The following ZFPM2 variants were observed in gnomAD, a reference collection of about 807,000 sequenced individuals.
ZFPM2 encodes the protein zinc finger protein, FOG family member 2, also known as zinc finger protein ZFPM2.
Under a neutral mutation model 98.6 loss-of-function variants are expected in ZFPM2, and 20 were observed. The observed-to-expected ratio is 0.20, with a 90% CI of 0.14 to 0.29. ZFPM2 has a LOEUF of 0.29. ZFPM2 is among the 10% of genes least tolerant of loss of function. ZFPM2 has a pLI of 1.00. For synonymous variants in ZFPM2, 518 were observed against 502.7 expected, an observed-to-expected ratio of 1.03 and a Z score of -0.41; for missense variants, 1,310 against 1,388.6, an observed-to-expected ratio of 0.94 and a Z score of 0.90.
At chr8:105,341,967 A>T (rs1458522610) in intron 1 of ZFPM2, among the ~76,000 whole-genome samples, 1 of 152,048 alleles carries the variant, frequency 6.6e-6, no homozygotes, top group Non-Finnish European at 1.5e-5. Context: ...GGCATTTGCT[A>T]GTATTAGTGA....
intron 5 of ZFPM2, among the ~76,000 whole-genome samples, chr8:105,647,327 C>A (rs1340569512): frequency 6.6e-6 from 1 of 152,056 alleles, no homozygotes; most frequent in Non-Finnish European, 1.5e-5. Context: ...ATCAATTCAC[C>A]ACTAAAGTGC....
In ZFPM2 at chr8:105,802,347, G is replaced by A; in HGVS notation, c.2265G>A (p.Leu755=). Residue 755 remains leucine (L), a synonymous_variant, in exon 8 of 8, where the codon CTG becomes CTA. Coordinates refer to ENST00000407775, the MANE Select transcript of ZFPM2 (RefSeq NM_012082.4). ...CTGAGCAGGAACAAAGGCCTCCACT[G>A]GTTCAGCAGAGATTTCTTGACGTAG... is the stretch of plus-strand genomic sequence containing the variant. The part of the protein sequence containing the change: ...CLPEQEQRPP[L]VQQRFLDVAN... 1 of 1,613,790 alleles carries A rather than the reference G, an allele frequency of 6.2e-7. No individual in the cohort carries two copies. Among genetic ancestry groups the A allele is most frequent in the East Asian group, 2.2e-5 (1 of 44,836 alleles).
intron 3 of ZFPM2, among the ~76,000 whole-genome samples, chr8:105,487,874 A>T (rs1813261040): frequency 6.6e-6 from 1 of 150,926 alleles, no homozygotes; most frequent in Non-Finnish European, 1.5e-5. Context: ...TGTTACTTTA[A>T]CCCTATAAAG....
intron 5 of ZFPM2, among the ~76,000 whole-genome samples, chr8:105,754,860 T>C (rs2131060149): frequency 6.6e-6 from 1 of 152,198 alleles, no homozygotes; most frequent in African/African-American, 2.4e-5. Context: ...AGGAGGTTTT[T>C]TGTAGTGGGA....
At chr8:105,441,486 G>GA (rs1554604937) in intron 2 of ZFPM2, among the ~76,000 whole-genome samples, 1,874 of 74,028 alleles carry the variant, frequency 0.025, 633 homozygotes, top group African/African-American at 0.12. Context: ...AAGAAAGAAA[G>GA]AAAGAAAGAA....
intron 1 of ZFPM2, among the ~76,000 whole-genome samples, chr8:105,345,056 G>T (rs1329678072): frequency 6.6e-6 from 1 of 152,144 alleles, no homozygotes; most frequent in Non-Finnish European, 1.5e-5. Context: ...AAAAGGCTGT[G>T]TAATTGTGTA....
At chr8:105,417,421 C>T (rs531980922) in intron 1 of ZFPM2, among the ~76,000 whole-genome samples, 1 of 151,828 alleles carries the variant, frequency 6.6e-6, no homozygotes, top group East Asian at 1.9e-4. Context: ...ATAGAAAGTG[C>T]TTTGAAACTC....
intron 1 of ZFPM2, among the ~76,000 whole-genome samples, chr8:105,356,786 C>T (rs1362279716): frequency 6.6e-6 from 1 of 152,134 alleles, no homozygotes; most frequent in Admixed American, 6.5e-5. Context: ...TATTTCTTTA[C>T]CCAATCCATT....
At chr8:105,677,404 C>A (rs148683791) in intron 5 of ZFPM2, among the ~76,000 whole-genome samples, 67 of 152,108 alleles carry the variant, frequency 4.4e-4, no homozygotes, top group African/African-American at 1.5e-3. Context: ...TTTAAACTCA[C>A]ACATGCCACC....
chr8:105,599,159 A>G (rs890147266), intron 4 of ZFPM2, among the ~76,000 whole-genome samples: 5 of 151,994 alleles, frequency 3.3e-5, no homozygotes, highest in African/African-American at 9.7e-5. Flanking sequence ...TGCTCTCTTG[A>G]AATGCCACTC....
intron 3 of ZFPM2, among the ~76,000 whole-genome samples, chr8:105,547,988 T>TG (rs1814751628): frequency 6.6e-6 from 1 of 151,210 alleles, no homozygotes; most frequent in East Asian, 1.9e-4. Flanking sequence ...AAGTTTTGGT[T>TG]TTTTTTTTAA....
At chr8:105,505,001 A>C (rs949857495) in intron 3 of ZFPM2, among the ~76,000 whole-genome samples, 1 of 152,190 alleles carries the variant, frequency 6.6e-6, no homozygotes, top group African/African-American at 2.4e-5. Flanking sequence ...TTGACTATTC[A>C]CAAAAATGTC....
At chr8:105,337,393 C>G (rs925474239) in intron 1 of ZFPM2, among the ~76,000 whole-genome samples, 9 of 151,790 alleles carry the variant, frequency 5.9e-5, no homozygotes, top group Non-Finnish European at 1.2e-4. Flanking sequence ...TCACAAGTCT[C>G]TAGAAACCCT....
intron 5 of ZFPM2, among the ~76,000 whole-genome samples, chr8:105,781,924 T>G (rs1277726719): frequency 6.6e-6 from 1 of 151,944 alleles, no homozygotes; most frequent in African/African-American, 2.4e-5. Context: ...AAAGTAGGAG[T>G]GTTACAGAGT....
intron 4 of ZFPM2, among the ~76,000 whole-genome samples, chr8:105,577,902 G>A (rs1815503153): frequency 6.6e-6 from 1 of 151,906 alleles, no homozygotes; most frequent in Admixed American, 6.6e-5. Context: ...ATTGAGAACT[G>A]TCTGTAACCT....
At chr8:105,469,675 A>G (rs1433191545) in intron 3 of ZFPM2, among the ~76,000 whole-genome samples, 1 of 152,236 alleles carries the variant, frequency 6.6e-6, no homozygotes, top group African/African-American at 2.4e-5. Flanking sequence ...TAATTCTATC[A>G]GTATTAAATG....
At chr8:105,562,420 A>G (rs1047691363) in intron 4 of ZFPM2, among the ~76,000 whole-genome samples, 63 of 152,150 alleles carry the variant, frequency 4.1e-4, no homozygotes, top group African/African-American at 1.4e-3. Flanking sequence ...TAAGTTTGCT[A>G]TTCCTGCCTC....
chr8:105,673,758 G>T (rs1176901242), intron 5 of ZFPM2, among the ~76,000 whole-genome samples: 2 of 152,168 alleles, frequency 1.3e-5, no homozygotes, highest in Non-Finnish European at 2.9e-5. Flanking sequence ...TCCCTTAACT[G>T]AAAGCCACTT....
intron 5 of ZFPM2, among the ~76,000 whole-genome samples, chr8:105,689,832 T>G (rs970214515): frequency 6.6e-6 from 1 of 152,224 alleles, no homozygotes; most frequent in African/African-American, 2.4e-5. Context: ...AGAGACTTAT[T>G]TTCCTTTTTA....
Sources: gnomAD v4.1 joint callset for allele counts (sites outside exome capture counted in the v4.1 genomes callset) on GRCh38, gnomAD v4.1.1 for gene constraint, MANE v1.5 for transcripts, NCBI Gene and HGNC (gene_info 2026-07-23, HGNC 2026-07-21) for gene names.